Variants in GFOD1 observed in about 807,000 individuals in gnomAD.
The protein encoded by GFOD1 is glucose-fructose oxidoreductase domain-containing protein 1.
In GFOD1, 9 loss-of-function variants were observed where a neutral mutation model predicts 25.4. The ratio of observed to expected loss-of-function variants is 0.35; its 90% CI spans 0.21 to 0.62. The LOEUF (loss-of-function observed/expected upper bound fraction) is 0.62, where lower values mean the gene tolerates loss of function less well. Among genes scored for constraint, GFOD1 ranks in the 20% least tolerant of loss-of-function variants. The pLI is 0.72. For missense variants in GFOD1, 403 were observed against 556.9 expected, an observed-to-expected ratio of 0.72 and a Z score of 2.78; for synonymous variants, 253 against 245.6, an observed-to-expected ratio of 1.03 and a Z score of -0.28.
In GFOD1 at chr6:13,364,848, C is replaced by A. The variant is rs764195315; in HGVS notation, c.1068G>T (p.Thr356=). ...VVDTIKRSSQ[T]GEWQNIAIMT... ...TGATGGCAATGTTCTGCCACTCGCCCGTCTGGCTGGACCTCTTGATGGTGT... is the reference window on the plus strand; with the variant it reads ...TGATGGCAATGTTCTGCCACTCGCCAGTCTGGCTGGACCTCTTGATGGTGT... Residue 356 remains threonine, a synonymous_variant, in exon 2 of 2, where the codon ACG becomes ACT. Coordinates refer to ENST00000379287, the MANE Select transcript of GFOD1 (RefSeq NM_018988.4). The surrounding 1 kb of genome is among the most constrained non-coding windows in gnomAD (Gnocchi z 4.1). 1.1e-5 allele frequency: 18 copies of A among 1,613,948 alleles called. No individual in the cohort carries two copies. Among genetic ancestry groups the A allele is most frequent in the Non-Finnish European group, 1.5e-5 (18 of 1,180,046 alleles).
chr6:13,372,882 TTATCTTC>T, intron 1 of GFOD1, among the ~76,000 whole-genome samples: 1 of 152,184 alleles, frequency 6.6e-6, no homozygotes, highest in African/African-American at 2.4e-5. Context: ...TGACAGCCCC[TTATCTTC>T]TAGAAGCCAA....
chr6:13,469,099 C>T (rs956726134), intron 1 of GFOD1, among the ~76,000 whole-genome samples: 3 of 152,156 alleles, frequency 2.0e-5, no homozygotes, highest in African/African-American at 7.2e-5. Flanking sequence ...TTGGGGACTT[C>T]CCAGAACTCA....
At chr6:13,420,272 T>C (rs1228703604) in intron 1 of GFOD1, among the ~76,000 whole-genome samples, 3 of 152,196 alleles carry the variant, frequency 2.0e-5, no homozygotes, top group Non-Finnish European at 4.4e-5. Context: ...AGCCCTGTTT[T>C]AGAGAGTGAC....
chr6:13,391,516 A>C lies in GFOD1; in HGVS notation c.254-25854T>G, dbSNP rs1266960924. ...CCATCTCAAAAACAAACAAACAAAA[A>C]AAAAAAAAAAAAAAGAAAGAGAAAA... On this transcript the variant is annotated intron_variant, in intron 1 of 1. Coordinates refer to ENST00000379287, the MANE Select transcript of GFOD1 (RefSeq NM_018988.4). Among the ~76,000 whole-genome samples the C allele has an allele frequency of 1.6e-3, 248 of 151,366 alleles. 3 individuals carry two copies. Among genetic ancestry groups the C allele is most frequent in the African/African-American group, 5.0e-3 (205 of 41,376 alleles).
chr6:13,482,459 C>G (rs1490286400), intron 1 of GFOD1, among the ~76,000 whole-genome samples: 1 of 151,930 alleles, frequency 6.6e-6, no homozygotes, highest in Non-Finnish European at 1.5e-5. Flanking sequence ...TTAAAATTCC[C>G]ACACAGGCCA....
chr6:13,432,079 T>G (rs938227172), intron 1 of GFOD1, among the ~76,000 whole-genome samples: 24 of 152,158 alleles, frequency 1.6e-4, no homozygotes, highest in Non-Finnish European at 2.8e-4. Context: ...ACACACCACA[T>G]GGCTTCTGAA....
chr6:13,473,917 C>T lies in GFOD1; in HGVS notation c.253+12721G>A, dbSNP rs368166068. Among the ~76,000 whole-genome samples, 4 of 152,168 alleles carry T rather than the reference C, an allele frequency of 2.6e-5. No individual in the cohort carries two copies. The East Asian group carries it at 7.7e-4, about 29-fold the overall frequency. On this transcript the variant is annotated intron_variant, in intron 1 of 1. Coordinates refer to ENST00000379287, the MANE Select transcript of GFOD1 (RefSeq NM_018988.4). The stretch of plus-strand genomic sequence containing the variant: ...CACCCGGGACGAGTGGGGCCCCACT[C>T]ATTTTATCTCTGATGTCAAGCTCAT...
intron 1 of GFOD1, among the ~76,000 whole-genome samples, chr6:13,428,290 C>T (rs559948184): frequency 1.2e-4 from 19 of 152,322 alleles, no homozygotes; most frequent in Admixed American, 7.8e-4. Flanking sequence ...TCTCTGTTCT[C>T]GTCCTAGTGC....
intron 1 of GFOD1, among the ~76,000 whole-genome samples, chr6:13,436,341 C>A (rs755418078): frequency 2.2e-4 from 34 of 152,178 alleles, no homozygotes; most frequent in Non-Finnish European, 4.3e-4. Flanking sequence ...TTTTCCCTTG[C>A]CAACTCCTGT....
At position 13,445,140 on chromosome 6, in the gene GFOD1, C is replaced by T. The variant is rs190162183; in HGVS notation, c.253+41498G>A. On this transcript the variant is annotated intron_variant, in intron 1 of 1. Transcript: ENST00000379287. ...CAAAGGAAGAGGGCTCAGCAGCCAG[C>T]CACAGGCGCCGAGGCTGAACAGGGA... Among the ~76,000 whole-genome samples the T allele has an allele frequency of 2.8e-4, 43 of 152,268 alleles. No homozygotes were observed. In the East Asian group the frequency reaches 5.0e-3, roughly 18 times the overall value.
intron 1 of GFOD1, among the ~76,000 whole-genome samples, chr6:13,420,251 T>C (rs747167454): frequency 2.0e-5 from 3 of 152,154 alleles, no homozygotes; most frequent in Non-Finnish European, 2.9e-5. Context: ...TATCCTCCCA[T>C]CTACCCATGC....
At chr6:13,435,568 C>T (rs971752826) in intron 1 of GFOD1, among the ~76,000 whole-genome samples, 1 of 152,216 alleles carries the variant, frequency 6.6e-6, no homozygotes, top group African/African-American at 2.4e-5. Context: ...ACCCGCAGTA[C>T]ATCCAAGCAG....
intron 1 of GFOD1, among the ~76,000 whole-genome samples, chr6:13,373,626 G>A (rs1296594813): frequency 6.6e-6 from 1 of 151,884 alleles, no homozygotes; most frequent in Admixed American, 6.6e-5. Flanking sequence ...TGCACCCTGA[G>A]ACATGGGACA....
chr6:13,476,598 T>A (rs1377333571), intron 1 of GFOD1, among the ~76,000 whole-genome samples: 1 of 152,216 alleles, frequency 6.6e-6, no homozygotes, highest in Admixed American at 6.5e-5. Flanking sequence ...TATAGTTCAA[T>A]AAAGTTATTT....
intron 1 of GFOD1, among the ~76,000 whole-genome samples, chr6:13,466,250 T>C (rs1172846412): frequency 6.6e-6 from 1 of 152,124 alleles, no homozygotes; most frequent in African/African-American, 2.4e-5. Flanking sequence ...TGGCATGGAG[T>C]TTTGATCTGA....
At position 13,440,219 on chromosome 6, in the gene GFOD1, T is replaced by C. The variant is rs7748112; in HGVS notation, c.253+46419A>G. The stretch of plus-strand genomic sequence containing the variant: ...TTTTTGTTTTTTTGAGATGGAGTTT[T>C]GCTTTTGTTACCCAGGCTGGAATGC... On this transcript the variant is annotated intron_variant, in intron 1 of 1. Transcript: ENST00000379287. Among the ~76,000 whole-genome samples, 259 of 152,266 alleles carry C rather than the reference T, an allele frequency of 1.7e-3. 1 individual carries two copies. Among genetic ancestry groups the C allele is most frequent in the African/African-American group, 5.9e-3 (246 of 41,548 alleles).
chr6:13,401,478 T>C (rs1271772722), intron 1 of GFOD1, among the ~76,000 whole-genome samples: 4 of 152,146 alleles, frequency 2.6e-5, no homozygotes, highest in African/African-American at 9.7e-5. Context: ...TATTTACAAA[T>C]GGAATGTCAT....
intron 1 of GFOD1, among the ~76,000 whole-genome samples, chr6:13,399,476 C>A (rs1008703778): frequency 6.6e-6 from 1 of 152,198 alleles, no homozygotes. Flanking sequence ...GGCAATGACT[C>A]AACATCCAAC....
intron 1 of GFOD1, among the ~76,000 whole-genome samples, chr6:13,456,864 G>A (rs187139438): frequency 8.3e-4 from 126 of 152,284 alleles, no homozygotes; most frequent in Non-Finnish European, 1.5e-3. Context: ...GAAAGTTCAC[G>A]TGAGCTTTTC....
Sources: allele counts gnomAD v4.1 joint callset (sites outside exome capture counted in the v4.1 genomes callset), GRCh38; gene constraint gnomAD v4.1.1; non-coding constraint Gnocchi (gnomAD v3.1); transcripts MANE v1.5; gene names NCBI Gene and HGNC (gene_info 2026-07-23, HGNC 2026-07-21).